TTC7B: variants seen among roughly 807,000 people sequenced by gnomAD.
The protein encoded by TTC7B is tetratricopeptide repeat domain 7B, also known as tetratricopeptide repeat protein 7B.
A neutral mutation model predicts 106.8 loss-of-function variants in TTC7B; 28 were observed. The ratio of observed to expected loss-of-function variants is 0.26; its 90% CI spans 0.19 to 0.36. The LOEUF (loss-of-function observed/expected upper bound fraction) is 0.36, where lower values mean the gene tolerates loss of function less well. TTC7B is among the 10% of genes least tolerant of loss of function. The probability of loss-of-function intolerance (pLI) is 1.00; values close to 1 mark genes in which losing one functional copy is unlikely to be tolerated. For missense variants in TTC7B, 862 were observed against 1,076.4 expected (o/e 0.80, Z 2.79); for synonymous variants, 405 against 430.6 (o/e 0.94, Z 0.74).
chr14:90,595,506 TTTC>T (rs1892166508), intron 17 of TTC7B, among the ~76,000 whole-genome samples: 1 of 152,188 alleles, frequency 6.6e-6, no homozygotes, highest in Admixed American at 6.5e-5. Flanking sequence ...GCTGTCAAAA[TTTC>T]TTATTTGTCA....
intron 1 of TTC7B, among the ~76,000 whole-genome samples, chr14:90,814,174 C>G (rs2031053318): frequency 6.6e-6 from 1 of 152,164 alleles, no homozygotes; most frequent in African/African-American, 2.4e-5. Context: ...ATCCCCAAGC[C>G]CCACTCATGA....
Position 90,636,427 on chromosome 14 carries a change from TAA to T in TTC7B, c.1751+7619_1751+7620del, listed in dbSNP as rs71117365. ...AGGAAAAACTGCTATAACGATGTGGTAAAAAAAAAAAAAAAAAAAAGCCAATC... is the reference window on the plus strand; with the variant it reads ...AGGAAAAACTGCTATAACGATGTGGTAAAAAAAAAAAAAAAAAAGCCAATC... On this transcript the variant is annotated intron_variant, in intron 15 of 19. Coordinates refer to ENST00000328459, the MANE Select transcript of TTC7B (RefSeq NM_001010854.2). Among the ~76,000 whole-genome samples, 741 of 99,854 alleles carry T rather than the reference TAA, an allele frequency of 7.4e-3. 4 individuals carry two copies. Among genetic ancestry groups the T allele is most frequent in the Middle Eastern group, 0.033 (6 of 180 alleles). The allele number at this position is 99,854 out of a possible 152,430, so 65.5% of individuals were successfully genotyped here.
chr14:90,774,881 A>G (rs944470113), intron 3 of TTC7B, among the ~76,000 whole-genome samples: 1 of 152,128 alleles, frequency 6.6e-6, no homozygotes, highest in Non-Finnish European at 1.5e-5. Context: ...CTCTACTAAG[A>G]ATATAAAAAC....
chr14:90,561,118 T>C (rs904025198), intron 19 of TTC7B, among the ~76,000 whole-genome samples: 2 of 152,194 alleles, frequency 1.3e-5, no homozygotes, highest in African/African-American at 4.8e-5. Context: ...GGTGCCCTGA[T>C]GTAGAGAATG....
At chr14:90,711,682 A>G (rs898071431) in intron 5 of TTC7B, among the ~76,000 whole-genome samples, 3 of 152,234 alleles carry the variant, frequency 2.0e-5, no homozygotes, top group African/African-American at 7.2e-5. Flanking sequence ...TTTGCCCCCC[A>G]AAGTGCTGGG....
chr14:90,755,688 A>AAAC (rs1890269296), intron 3 of TTC7B, among the ~76,000 whole-genome samples: 3 of 151,426 alleles, frequency 2.0e-5, no homozygotes, highest in Admixed American at 1.3e-4. Context: ...AACAAACAAA[A>AAAC]AAAAAAAACA....
chr14:90,628,840 C>CA (rs1263393757), intron 15 of TTC7B, among the ~76,000 whole-genome samples: 1 of 152,268 alleles, frequency 6.6e-6, no homozygotes, highest in Non-Finnish European at 1.5e-5. Flanking sequence ...TTTGGTTTCG[C>CA]ATGGCTTGAT....
chr14:90,646,994 T>C lies in TTC7B; in HGVS notation c.1547A>G (p.Gln516Arg). 6.2e-7 allele frequency: 1 copy of C among 1,614,176 alleles called. No homozygotes were observed. Among genetic ancestry groups the C allele is most frequent in the African/African-American group, 1.3e-5 (1 of 75,048 alleles). ...RAHSLSPTDH[Q>R]AAFYLALQLA... ...CTGCAGAGCCAGGTAGAAAGCTGCT[T>C]GGTGATCTGTGGGTGACAGGCTGTG... The change falls in exon 14 of 20, where the codon CAA becomes CGA. Residue 516 changes from glutamine (Q) to arginine (R), a missense_variant. Physicochemically the swap from Gln to Arg is conservative, Grantham distance 43. Coordinates refer to ENST00000328459, the MANE Select transcript of TTC7B (RefSeq NM_001010854.2).
intron 5 of TTC7B, among the ~76,000 whole-genome samples, chr14:90,700,250 T>C (rs1887933151): frequency 6.6e-6 from 1 of 151,970 alleles, no homozygotes; most frequent in Non-Finnish European, 1.5e-5. Context: ...GATTTTGAGG[T>C]TTTTTAAAGA....
In TTC7B at chr14:90,617,447, G is replaced by A. The variant is rs559353108; in HGVS notation, c.1868+482C>T. ...AATCTTTGACATGTGTTTGATAGTC[G>A]TATGCATCATGATTTTAACTTTTTC... On this transcript the variant is annotated intron_variant, in intron 16 of 19. Coordinates refer to ENST00000328459, the MANE Select transcript of TTC7B (RefSeq NM_001010854.2). 7.2e-5 allele frequency among the ~76,000 whole-genome samples: 11 copies of A among 152,248 alleles called. No homozygotes were observed. The South Asian group carries it at 1.0e-3, about 14-fold the overall frequency.
chr14:90,672,770 C>A (rs1430078531), intron 9 of TTC7B, among the ~76,000 whole-genome samples: 2 of 152,142 alleles, frequency 1.3e-5, no homozygotes, highest in African/African-American at 4.8e-5. Flanking sequence ...GGCAAAAGAT[C>A]TTTTTGTATC....
At chr14:90,788,087 C>T (rs934351659) in intron 1 of TTC7B, among the ~76,000 whole-genome samples, 1 of 25,892 alleles carries the variant, frequency 3.9e-5, no homozygotes, top group African/African-American at 5.1e-5. Flanking sequence ...ATCACTTGAA[C>T]CCAGGAGTGG....
intron 3 of TTC7B, chr14:90,766,705 C>T (rs1566877412): frequency 1.4e-6 from 2 of 1,477,008 alleles, no homozygotes; most frequent in Admixed American, 1.7e-5. Context: ...GGCGGGAGAA[C>T]TCACTGAGGA....
rs1884360069 is a variant in TTC7B, at chr14:90,624,632, T to A, written c.1752-6587A>T. Among the ~76,000 whole-genome samples, 1 of 152,200 alleles carries A rather than the reference T, an allele frequency of 6.6e-6. No individual in the cohort carries two copies. Among genetic ancestry groups the A allele is most frequent in the Admixed American group, 6.5e-5 (1 of 15,290 alleles). ...TCTGAGCCGTCCGAAGAACTCTCGA[T>A]GAAAATAAGTTAGAGAAGTTCAGAG... On this transcript the variant is annotated intron_variant, in intron 15 of 19. Transcript: ENST00000328459. The surrounding 1 kb of genome is among the most constrained non-coding windows in gnomAD (Gnocchi z 4.0).
chr14:90,763,924 T>C (rs912075772), intron 3 of TTC7B, among the ~76,000 whole-genome samples: 1 of 152,146 alleles, frequency 6.6e-6, no homozygotes, highest in African/African-American at 2.4e-5. Flanking sequence ...AATCTACAGA[T>C]TCAACACAAT....
intron 4 of TTC7B, among the ~76,000 whole-genome samples, chr14:90,741,912 A>G (rs925555427): frequency 1.3e-5 from 2 of 152,134 alleles, no homozygotes; most frequent in African/African-American, 4.8e-5. Context: ...GGAGGTCCAA[A>G]CTGGTTTTCC....
intron 19 of TTC7B, among the ~76,000 whole-genome samples, chr14:90,545,869 G>A (rs942028345): frequency 6.6e-6 from 1 of 152,222 alleles, no homozygotes; most frequent in South Asian, 2.1e-4. Context: ...TGGTGTTCTA[G>A]GGTTCTTGCT....
At chr14:90,670,652 G>T (rs1348311386) in intron 9 of TTC7B, among the ~76,000 whole-genome samples, 3 of 152,160 alleles carry the variant, frequency 2.0e-5, no homozygotes, top group Non-Finnish European at 4.4e-5. Context: ...ACCACGTTAA[G>T]AAAGCAATGC....
In TTC7B at chr14:90,525,208, T is replaced by C. The variant is rs557090366; in HGVS notation, c.*16160A>G. On this transcript the variant is annotated 3_prime_UTR_variant, in exon 20 of 20. Coordinates refer to ENST00000328459, the MANE Select transcript of TTC7B (RefSeq NM_001010854.2). ...CTATAAATGGAATCACACAGCACGTTCTTTTTTGACTGGCTCCTTCAACTC... is the reference window on the plus strand; with the variant it reads ...CTATAAATGGAATCACACAGCACGTCCTTTTTTGACTGGCTCCTTCAACTC... The C allele has an allele frequency of 2.6e-5, 4 of 152,350 alleles. No individual in the cohort carries two copies. The South Asian group carries it at 8.3e-4, about 32-fold the overall frequency. 9.4% of individuals were successfully genotyped at this position (152,350 alleles called of 1,614,324 possible). A position where few individuals can be genotyped will look rare whatever the true frequency, so the allele number is the denominator to read the frequency against.
Sources: allele counts gnomAD v4.1 joint callset (sites outside exome capture counted in the v4.1 genomes callset), GRCh38; gene constraint gnomAD v4.1.1; non-coding constraint Gnocchi (gnomAD v3.1); transcripts MANE v1.5; gene names NCBI Gene and HGNC (gene_info 2026-07-23, HGNC 2026-07-21).